The following ZMYM2 variants were observed in gnomAD, a reference collection of about 807,000 sequenced individuals.
ZMYM2 encodes zinc finger MYM-type containing 2.
Under a neutral mutation model 162.8 loss-of-function variants are expected in ZMYM2, and 56 were observed. The ratio of observed to expected loss-of-function variants is 0.34; its 90% CI spans 0.28 to 0.43. The LOEUF is 0.43. Ranked by LOEUF, ZMYM2 falls within the 20% of genes least tolerant of loss-of-function variation. ZMYM2 has a pLI of 1.00. For missense variants in ZMYM2, 1,275 were observed against 1,621.8 expected (o/e 0.79, Z 3.67); for synonymous variants, 510 against 541.6 (o/e 0.94, Z 0.81).
At chr13:19,884,358 G>C in the ZMYM2 span, among the ~76,000 whole-genome samples, 1 of 152,078 alleles carries the variant, frequency 6.6e-6, no homozygotes, top group East Asian at 1.9e-4. Flanking sequence ...GAAAAAGCAC[G>C]ACGTCAGTAG....
At chr13:19,959,496 A>T (rs1184792069) in intron 1 of ZMYM2, among the ~76,000 whole-genome samples, 2 of 151,138 alleles carry the variant, frequency 1.3e-5, no homozygotes, top group East Asian at 3.9e-4. Flanking sequence ...CGCCGACTGC[A>T]GGGGGGGGCA....
chr13:19,879,434 TTAAGAAA>T, the ZMYM2 span, among the ~76,000 whole-genome samples: 1 of 152,174 alleles, frequency 6.6e-6, no homozygotes, highest in African/African-American at 2.4e-5. Flanking sequence ...AATACAGAAT[TTAAGAAA>T]AAAGAAAATA....
At chr13:20,075,333 C>T (rs1181021898) in intron 21 of ZMYM2, among the ~76,000 whole-genome samples, 1 of 152,104 alleles carries the variant, frequency 6.6e-6, no homozygotes, top group Non-Finnish European at 1.5e-5. Context: ...AGTAAGTAGT[C>T]ACTTCTGTTT....
chr13:19,950,204 T>G, the ZMYM2 span, among the ~76,000 whole-genome samples: 7 of 152,118 alleles, frequency 4.6e-5, no homozygotes, highest in East Asian at 1.2e-3. Flanking sequence ...AATAAATAAT[T>G]TTTAAAAATT....
the ZMYM2 span, among the ~76,000 whole-genome samples, chr13:19,893,955 G>T: frequency 2.0e-5 from 3 of 151,742 alleles, no homozygotes; most frequent in South Asian, 4.1e-4. Flanking sequence ...CATAATTTCT[G>T]AATTCAATAA....
At chr13:19,935,005 G>T in the ZMYM2 span, among the ~76,000 whole-genome samples, 1 of 152,124 alleles carries the variant, frequency 6.6e-6, no homozygotes, top group Non-Finnish European at 1.5e-5. Context: ...GATCTCAAGT[G>T]ATCTGCCCAC....
chr13:19,992,834 T>C (rs1012153360), intron 2 of ZMYM2, among the ~76,000 whole-genome samples: 4 of 152,130 alleles, frequency 2.6e-5, no homozygotes, highest in African/African-American at 9.7e-5. Flanking sequence ...TGATTAATTA[T>C]CCAATAAAAA....
chr13:20,019,201 TA>T lies in ZMYM2; in HGVS notation c.1513-345del, dbSNP rs201886758. Reference sequence around the variant, plus strand: ...TAATTTAGAAAGCTTCGAGTTTCATTATAAGTGTTAACAGTTTTTAAAGAGA... The same window carrying T: ...TAATTTAGAAAGCTTCGAGTTTCATTTAAGTGTTAACAGTTTTTAAAGAGA... On this transcript the variant is annotated intron_variant, in intron 6 of 24. Coordinates refer to ENST00000610343, the MANE Select transcript of ZMYM2 (RefSeq NM_197968.4). 6.9e-3 allele frequency among the ~76,000 whole-genome samples: 1,046 copies of T among 152,260 alleles called. 10 individuals carry two copies. Among genetic ancestry groups the T allele is most frequent in the African/African-American group, 0.024 (996 of 41,548 alleles).
rs74035477 is a variant in ZMYM2, at chr13:20,015,474, A to G, written c.1513-4073A>G. On this transcript the variant is annotated intron_variant, in intron 6 of 24. Coordinates refer to ENST00000610343, the MANE Select transcript of ZMYM2 (RefSeq NM_197968.4). ...ATATATGTTTGTTATTAATAACTCT[A>G]GTTTATATTGTTGTTCAAGATTTGT... 6.4e-3 allele frequency among the ~76,000 whole-genome samples: 969 copies of G among 152,226 alleles called. 17 individuals are homozygous for G. Among genetic ancestry groups the G allele is most frequent in the African/African-American group, 0.022 (907 of 41,546 alleles).
chr13:20,078,669 G>A (rs1458114549), intron 21 of ZMYM2, among the ~76,000 whole-genome samples: 1 of 152,008 alleles, frequency 6.6e-6, no homozygotes, highest in East Asian at 1.9e-4. Flanking sequence ...TAAGAAACAG[G>A]GCCTTTGAAA....
At chr13:19,907,051 G>C in the ZMYM2 span, among the ~76,000 whole-genome samples, 1 of 151,940 alleles carries the variant, frequency 6.6e-6, no homozygotes, top group Non-Finnish European at 1.5e-5. Context: ...TTTACCTCTT[G>C]TTCATAATGG....
chr13:19,886,162 C>CTTTTTTT, the ZMYM2 span, among the ~76,000 whole-genome samples: 8 of 98,448 alleles, frequency 8.1e-5, no homozygotes, highest in South Asian at 3.6e-4. Context: ...TTCTTTCTTT[C>CTTTTTTT]TTTTTTTTTT....
the ZMYM2 span, among the ~76,000 whole-genome samples, chr13:19,950,010 C>T: frequency 2.6e-5 from 4 of 151,752 alleles, no homozygotes; most frequent in African/African-American, 9.7e-5. Context: ...TGGCAGCTCA[C>T]ACCCGTAATT....
In ZMYM2 at chr13:20,083,735, C is replaced by T. The variant is rs767558380; in HGVS notation, c.3900C>T (p.Ser1300=). 16 of 1,601,648 alleles carry T rather than the reference C, an allele frequency of 1.0e-5. No homozygotes were observed. The East Asian group carries it at 3.6e-4, about 36-fold the overall frequency. The change falls in exon 24 of 25, where the codon TCC becomes TCT. Residue 1300 remains serine, a synonymous_variant. Coordinates refer to ENST00000610343, the MANE Select transcript of ZMYM2 (RefSeq NM_197968.4). ...AAATTGAAAACACAGCCAATCCTTC[C>T]AGATGTCCTGTGAAAATGTTTGAAT... ...FEQIENTANP[S]RCPVKMFECY... is the part of the protein sequence containing the mutation.
At chr13:19,955,138 AATTATTATT>A (rs58375933), upstream of ZMYM2, among the ~76,000 whole-genome samples, 497 of 149,708 alleles carry the variant, frequency 3.3e-3, 1 homozygote, top group African/African-American at 0.011. Flanking sequence ...TAGTTACTGC[AATTATTATT>A]ATTATTATTA....
chr13:19,871,251 TAAA>T, the ZMYM2 span, among the ~76,000 whole-genome samples: 1 of 151,806 alleles, frequency 6.6e-6, no homozygotes, highest in Non-Finnish European at 1.5e-5. Flanking sequence ...AGTAAAGAGA[TAAA>T]AAATGTATAC....
chr13:19,909,230 T>A, the ZMYM2 span, among the ~76,000 whole-genome samples: 1 of 152,270 alleles, frequency 6.6e-6, no homozygotes, highest in East Asian at 1.9e-4. Context: ...AATATATGCA[T>A]TAGGAGATGC....
At chr13:19,884,775 G>A in the ZMYM2 span, among the ~76,000 whole-genome samples, 74 of 151,850 alleles carry the variant, frequency 4.9e-4, no homozygotes, top group African/African-American at 1.8e-3. Flanking sequence ...TAGTGCCGAC[G>A]CCCCCAAGAC....
chr13:20,025,543 C>G (rs922046421), intron 7 of ZMYM2: 4 of 160,368 alleles, frequency 2.5e-5, no homozygotes, highest in African/African-American at 9.6e-5. Flanking sequence ...CCAGGCTGGT[C>G]TCAAACTCCT....
Sources: allele counts gnomAD v4.1 joint callset (sites outside exome capture counted in the v4.1 genomes callset), GRCh38; gene constraint gnomAD v4.1.1; transcripts MANE v1.5; gene names NCBI Gene and HGNC (gene_info 2026-07-23, HGNC 2026-07-21).